The following AP2A2 variants were observed in gnomAD, a reference collection of about 807,000 sequenced individuals.
The protein encoded by AP2A2 is AP-2 complex subunit alpha-2.
In AP2A2, 32 loss-of-function variants were observed where a neutral mutation model predicts 104.2. That is an observed-to-expected ratio of 0.31 (90% confidence interval 0.23 to 0.41). The LOEUF (loss-of-function observed/expected upper bound fraction) is 0.41. AP2A2 is among the 10% of genes least tolerant of loss of function. The pLI, the probability that AP2A2 is intolerant of heterozygous loss-of-function variation, is 1.00. For missense variants in AP2A2, 912 were observed against 1,261.0 expected (o/e 0.72, Z 4.19); for synonymous variants, 539 against 533.3 (o/e 1.01, Z -0.15).
rs1295207648 is a variant in AP2A2 at position 977,195 on chromosome 11, G to A, written c.574G>A (p.Val192Met). 4 of 1,609,282 alleles carry A rather than the reference G, an allele frequency of 2.5e-6. No individual in the cohort carries two copies. The highest frequency in any genetic ancestry group is 3.4e-6 in the Non-Finnish European group (4 of 1,176,990). The change falls in exon 5 of 22, where the codon GTG (valine) becomes ATG (methionine). Residue 192 changes from valine to methionine, a missense_variant. Val to Met is a conservative substitution (Grantham distance 21). Coordinates refer to ENST00000448903, the MANE Select transcript of AP2A2 (RefSeq NM_012305.4). Reference sequence around the variant, plus strand: ...CCCCATGGGCGACTGGACATCCCGAGTGGTGCACCTGCTCAATGACCAGCA... The same window carrying A: ...CCCCATGGGCGACTGGACATCCCGAATGGTGCACCTGCTCAATGACCAGCA... ...LVPMGDWTSRVVHLLNDQHLG... is the reference protein window; with the variant it reads ...LVPMGDWTSRMVHLLNDQHLG...
In AP2A2 at chr11:986,779, A is replaced by C. The variant is rs1175741941; in HGVS notation, c.963-6A>C. 1 of 1,612,330 alleles carries C rather than the reference A, an allele frequency of 6.2e-7. No individual in the cohort carries two copies. Among genetic ancestry groups the C allele is most frequent in the East Asian group, 2.2e-5 (1 of 44,880 alleles). ...AACCCCACCCACTTCCCCTCCCTCC[A>C]CACAGTGAGCCGAACCTGCTCGTCC... On this transcript the variant is annotated splice_region_variant and splice_polypyrimidine_tract_variant and intron_variant, in intron 8 of 21. Coordinates refer to ENST00000448903, the MANE Select transcript of AP2A2 (RefSeq NM_012305.4).
At chr11:987,191 G>A (rs1855490597) in intron 9 of AP2A2, among the ~76,000 whole-genome samples, 1 of 152,256 alleles carries the variant, frequency 6.6e-6, no homozygotes, top group Admixed American at 6.5e-5. Flanking sequence ...AGGAGTCTCT[G>A]GCAGCCCTTT....
chr11:1,009,638 C>T (rs1251200702), intron 20 of AP2A2, 45 bp from the exon 21 acceptor site: 11 of 1,473,866 alleles, frequency 7.5e-6, no homozygotes, highest in Admixed American at 2.0e-5. Context: ...ACACGCTGCC[C>T]GCGACCCCGC....
chr11:940,296 G>A (rs1158796247), intron 1 of AP2A2, among the ~76,000 whole-genome samples: 1 of 152,196 alleles, frequency 6.6e-6, no homozygotes, highest in Non-Finnish European at 1.5e-5. Context: ...GTGGCATTTG[G>A]TGGCCTTATT....
rs368658381 is a variant in AP2A2 at position 1,010,939 on chromosome 11, G to A, written c.*314G>A. ...AATTAGAAGTTGGCGTGAACGTGGC[G>A]TTTGTGGGAGTGTCACTGAGATGGC... On this transcript the variant is annotated 3_prime_UTR_variant, in exon 22 of 22. Transcript: ENST00000448903. The A allele has an allele frequency of 1.4e-5, 10 of 720,284 alleles. No homozygotes were observed. Among genetic ancestry groups the A allele is most frequent in the Admixed American group, 7.4e-5 (4 of 53,914 alleles). The allele number at this position is 720,284 out of a possible 1,614,324, so 44.6% of individuals were successfully genotyped here. A position where few individuals can be genotyped will look rare whatever the true frequency, so the allele number is the denominator to read the frequency against.
At chr11:935,174 C>T (rs1467462840) in intron 1 of AP2A2, among the ~76,000 whole-genome samples, 6 of 151,448 alleles carry the variant, frequency 4.0e-5, no homozygotes, top group Non-Finnish European at 7.4e-5. Flanking sequence ...CTGCCTCAGC[C>T]TCCCGAGCAG....
intron 3 of AP2A2, among the ~76,000 whole-genome samples, chr11:971,800 A>C (rs550872729): frequency 1.3e-5 from 2 of 152,318 alleles, no homozygotes; most frequent in South Asian, 4.1e-4. Flanking sequence ...TCCTGTTGGC[A>C]TCTGGCTCGT....
intron 1 of AP2A2, among the ~76,000 whole-genome samples, chr11:939,690 C>G (rs570633250): frequency 6.6e-6 from 1 of 152,202 alleles, no homozygotes; most frequent in South Asian, 2.1e-4. Flanking sequence ...ACTGATCTGC[C>G]CTCCTCGGCC....
intron 10 of AP2A2, among the ~76,000 whole-genome samples, chr11:990,920 C>T (rs569800456): frequency 1.4e-5 from 2 of 146,846 alleles, no homozygotes; most frequent in Non-Finnish European, 3.0e-5. Flanking sequence ...GCTCCCCCCA[C>T]CCCATCCTTT....
chr11:939,268 GT>G (rs1466146460), intron 1 of AP2A2, among the ~76,000 whole-genome samples: 1 of 149,286 alleles, frequency 6.7e-6, no homozygotes, highest in Non-Finnish European at 1.5e-5. Context: ...AAAAAAAAAG[GT>G]TTAAGAAGTT....
At chr11:940,688 G>A (rs1299200691) in intron 1 of AP2A2, 1 of 386,358 alleles carries the variant, frequency 2.6e-6, no homozygotes, top group Non-Finnish European at 5.1e-6. Context: ...TGCCTTTTGT[G>A]TAGGTTTGTT....
chr11:955,410 G>C (rs538669654), intron 1 of AP2A2, among the ~76,000 whole-genome samples: 1 of 151,940 alleles, frequency 6.6e-6, no homozygotes, highest in Non-Finnish European at 1.5e-5. Flanking sequence ...CTGCTGTCCT[G>C]CTTTCTTGTG....
chr11:1,006,067 CT>C (rs1396535689), intron 16 of AP2A2, among the ~76,000 whole-genome samples: 10 of 152,264 alleles, frequency 6.6e-5, no homozygotes, highest in Non-Finnish European at 1.5e-5. Flanking sequence ...GCCGGGTCCC[CT>C]GACAGGAGGC....
intron 1 of AP2A2, among the ~76,000 whole-genome samples, chr11:932,211 C>T (rs111267604): frequency 6.6e-6 from 1 of 152,188 alleles, no homozygotes; most frequent in African/African-American, 2.4e-5. Flanking sequence ...CCTCGGCCTC[C>T]CAAAGTGCTG....
chr11:978,921 C>T (rs7122686), intron 5 of AP2A2, among the ~76,000 whole-genome samples: 5,863 of 152,102 alleles, frequency 0.039, 160 homozygotes, highest in Non-Finnish European at 0.06. Flanking sequence ...TGATTTGGCC[C>T]GAGTGCTGCA....
At chr11:978,396 G>A (rs1855125748) in intron 5 of AP2A2, among the ~76,000 whole-genome samples, 1 of 152,198 alleles carries the variant, frequency 6.6e-6, no homozygotes, top group Non-Finnish European at 1.5e-5. Context: ...GGGTGGCAGG[G>A]CCTTGCCTCA....
At chr11:926,432 G>C (rs1853124274) in intron 1 of AP2A2, among the ~76,000 whole-genome samples, 1 of 151,830 alleles carries the variant, frequency 6.6e-6, no homozygotes, top group South Asian at 2.1e-4. Flanking sequence ...GGGGTTTAGG[G>C]CACGGCCCTT....
chr11:1,003,330 A>G (rs1416020014), intron 15 of AP2A2, among the ~76,000 whole-genome samples: 2 of 152,202 alleles, frequency 1.3e-5, no homozygotes, highest in Non-Finnish European at 2.9e-5. Flanking sequence ...CCAGGCTCTG[A>G]TGGCGAGGCC....
At chr11:938,477 G>GT (rs1170166405) in intron 1 of AP2A2, among the ~76,000 whole-genome samples, 11,257 of 140,976 alleles carry the variant, frequency 0.08, 479 homozygotes, top group South Asian at 0.11. Context: ...ATGTTTGTAT[G>GT]TTTTTTTTTT....
Sources: allele counts gnomAD v4.1 joint callset (sites outside exome capture counted in the v4.1 genomes callset), GRCh38; gene constraint gnomAD v4.1.1; transcripts MANE v1.5; gene names NCBI Gene and HGNC (gene_info 2026-07-23, HGNC 2026-07-21).